GABRA3: variants seen among roughly 807,000 people sequenced by gnomAD.
GABRA3 encodes the protein gamma-aminobutyric acid receptor subunit alpha-3.
In GABRA3, 10 loss-of-function variants were observed where a neutral mutation model predicts 30.1. That is an observed-to-expected ratio of 0.33 (90% CI 0.20 to 0.56). GABRA3 has a LOEUF of 0.56. GABRA3 is among the 20% of genes least tolerant of loss of function. GABRA3 has a pLI of 0.89. For missense variants in GABRA3, 233 were observed against 392.0 expected (o/e 0.59, Z 3.42); for synonymous variants, 151 against 146.8 (o/e 1.03, Z -0.21).
intron 4 of GABRA3, among the ~76,000 whole-genome samples, chrX:152,257,462 C>A (rs978432481): frequency 8.9e-6 from 1 of 112,807 alleles, no homozygotes; most frequent in Non-Finnish European, 1.9e-5. Flanking sequence ...GGCTTCCAAT[C>A]GTATGTGGGA....
In GABRA3 at chrX:152,345,246, T is replaced by C. The variant is rs149135005; in HGVS notation, c.262+335A>G. Among the ~76,000 whole-genome samples the C allele has an allele frequency of 7.0e-4, 78 of 111,419 alleles. 1 individual carries two copies. The East Asian group carries it at 0.018, about 26-fold the overall frequency. On this transcript the variant is annotated intron_variant, in intron 3 of 9. Coordinates refer to ENST00000370314, the MANE Select transcript of GABRA3 (RefSeq NM_000808.4). Reference sequence around the variant, plus strand: ...CCCATCCCAATAAACCCATCATAAGTTGGAAATATAGTAAGTCTAAATCCA... The same window carrying C: ...CCCATCCCAATAAACCCATCATAAGCTGGAAATATAGTAAGTCTAAATCCA...
At position 152,189,869 on chromosome X, in the gene GABRA3, G is replaced by A. The variant is rs754786466; in HGVS notation, c.1004C>T (p.Ala335Val). The A allele has an allele frequency of 8.3e-7, 1 of 1,208,605 alleles. No individual in the cohort carries two copies. The highest frequency in any genetic ancestry group is 1.1e-6 in the Non-Finnish European group (1 of 893,620). The change falls in exon 9 of 10, where the codon GCG becomes GTG. Residue 335 changes from alanine to valine, a missense_variant. Around this residue, in one of 6 missense-constraint regions of GABRA3, gnomAD observed 20 missense variants for 84.3 expected, o/e 0.24. Coordinates refer to ENST00000370314, the MANE Select transcript of GABRA3 (RefSeq NM_000808.4). ...ARNSLPKVAY[A>V]TAMDWFIAVC... Reference sequence around the variant, plus strand: ...GGCTATGAACCAGTCCATGGCCGTCGCATATGCCACTTTAGGTAAGGAATT... The same window carrying A: ...GGCTATGAACCAGTCCATGGCCGTCACATATGCCACTTTAGGTAAGGAATT...
chrX:152,264,651 A>G (rs907144621), intron 4 of GABRA3, among the ~76,000 whole-genome samples: 1 of 111,523 alleles, frequency 9.0e-6, no homozygotes, highest in Non-Finnish European at 1.9e-5. Flanking sequence ...CTTACTACTA[A>G]TAATGCTGAA....
chrX:152,191,940 G>T (rs754495026), intron 8 of GABRA3, among the ~76,000 whole-genome samples: 1 of 111,699 alleles, frequency 9.0e-6, no homozygotes, highest in East Asian at 2.9e-4. Context: ...AATGGATCCA[G>T]GCCTTGAAAA....
chrX:152,224,437 A>C (rs930860454), intron 6 of GABRA3, among the ~76,000 whole-genome samples: 2 of 112,132 alleles, frequency 1.8e-5, no homozygotes, highest in Admixed American at 9.5e-5. Context: ...GGTAGCTGTG[A>C]CTGTATTTTA....
chrX:152,385,472 AC>A (rs1371516553), intron 1 of GABRA3, among the ~76,000 whole-genome samples: 2 of 111,968 alleles, frequency 1.8e-5, no homozygotes, highest in African/African-American at 6.5e-5. Context: ...TACACATCTC[AC>A]AAACCTAACA....
At chrX:152,298,639 T>G (rs6526092) in intron 3 of GABRA3, among the ~76,000 whole-genome samples, 56,256 of 109,027 alleles carry the variant, frequency 0.52, 12,298 homozygotes, top group East Asian at 0.88. Context: ...GGACATTTGG[T>G]TTGGTTCCAA....
chrX:152,298,652 C>G (rs1401904651), intron 3 of GABRA3, among the ~76,000 whole-genome samples: 2 of 110,777 alleles, frequency 1.8e-5, no homozygotes, highest in African/African-American at 6.6e-5. Context: ...GGTTCCAAGT[C>G]TTTGCTATTG....
rs774739840 is a variant in GABRA3, at chrX:152,198,311, C to T, written c.779-526G>A. ...TTTATGCTTTTTAACCATTATGCTC[C>T]GCTGTTCTAATGTACTTACTTGGTT... On this transcript the variant is annotated intron_variant, in intron 7 of 9. Coordinates refer to ENST00000370314, the MANE Select transcript of GABRA3 (RefSeq NM_000808.4). Among the ~76,000 whole-genome samples the T allele has an allele frequency of 8.0e-5, 9 of 111,912 alleles. No individual in the cohort carries two copies. In the South Asian group the frequency reaches 1.1e-3, roughly 14 times the overall value.
In GABRA3 at chrX:152,179,444, A is replaced by G. The variant is rs1937116131; in HGVS notation, c.1143+10286T>C. Among the ~76,000 whole-genome samples, 3 of 108,934 alleles carry G rather than the reference A, an allele frequency of 2.8e-5. No individual in the cohort carries two copies. In the South Asian group the frequency reaches 1.2e-3, roughly 44 times the overall value. 94.6% of individuals were successfully genotyped at this position (108,934 alleles called of 115,157 possible). On this transcript the variant is annotated intron_variant, in intron 9 of 9. Coordinates refer to ENST00000370314, the MANE Select transcript of GABRA3 (RefSeq NM_000808.4). Reference sequence around the variant, plus strand: ...TATTCTTTGACCAACAACTACCCCCAACTCCCAGTCCCCAGTAACCACCAT... The same window carrying G: ...TATTCTTTGACCAACAACTACCCCCGACTCCCAGTCCCCAGTAACCACCAT...
intron 4 of GABRA3, among the ~76,000 whole-genome samples, chrX:152,275,212 TA>T (rs1481139311): frequency 0.013 from 749 of 59,527 alleles, 40 homozygotes; most frequent in African/African-American, 0.061. Flanking sequence ...ATATATATAA[TA>T]TTATATATAT....
Position 152,206,007 on chromosome X carries a change from C to T in GABRA3, c.778+1994G>A, listed in dbSNP as rs1174897383. Among the ~76,000 whole-genome samples the T allele has an allele frequency of 4.9e-4, 55 of 112,835 alleles. No homozygotes were observed. The Admixed American group carries it at 5.1e-3, about 11-fold the overall frequency. Reference sequence around the variant, plus strand: ...GTTATGAACGTGTATCTTCTGTGTGCTAAAGATGACACCAACCGCGGTTTA... The same window carrying T: ...GTTATGAACGTGTATCTTCTGTGTGTTAAAGATGACACCAACCGCGGTTTA... On this transcript the variant is annotated intron_variant, in intron 7 of 9. Coordinates refer to ENST00000370314, the MANE Select transcript of GABRA3 (RefSeq NM_000808.4).
At chrX:152,419,945 A>G (rs976408385) in intron 1 of GABRA3, among the ~76,000 whole-genome samples, 3 of 111,532 alleles carry the variant, frequency 2.7e-5, no homozygotes, top group African/African-American at 9.8e-5. Flanking sequence ...TAGGATTTAT[A>G]TAAAGAATAA....
intron 3 of GABRA3, among the ~76,000 whole-genome samples, chrX:152,309,896 A>G (rs1270225577): frequency 8.9e-6 from 1 of 112,254 alleles, no homozygotes; most frequent in Admixed American, 9.5e-5. Context: ...CCCATTTCAC[A>G]TGCAGTGACA....
chrX:152,423,829 A>G (rs1343211187), intron 1 of GABRA3, among the ~76,000 whole-genome samples: 1 of 111,428 alleles, frequency 9.0e-6, no homozygotes, highest in Non-Finnish European at 1.9e-5. Context: ...TGGTATTACA[A>G]TTGGATTACA....
At chrX:152,230,618 G>T (rs1938050122) in intron 5 of GABRA3, among the ~76,000 whole-genome samples, 1 of 110,842 alleles carries the variant, frequency 9.0e-6, no homozygotes, top group African/African-American at 3.3e-5. Context: ...TTATAATATA[G>T]ACTAATGGAA....
At chrX:152,394,965 T>C (rs958016200) in intron 1 of GABRA3, among the ~76,000 whole-genome samples, 5 of 111,411 alleles carry the variant, frequency 4.5e-5, no homozygotes, top group African/African-American at 6.5e-5. Context: ...CTACAGGACA[T>C]AGGCTATCAA....
rs188262114 is a variant in GABRA3 at position 152,406,639 on chromosome X, T to G, written c.-26-42043A>C. On this transcript the variant is annotated intron_variant, in intron 1 of 9. Transcript: ENST00000370314. ...ATTAGAGCTAAAGAGCAAGATAGAC[T>G]CTAATACAATAATAGCTGGGGACAA... Among the ~76,000 whole-genome samples, 560 of 107,683 alleles carry G rather than the reference T, an allele frequency of 5.2e-3. 1 individual carries two copies. The highest frequency in any genetic ancestry group is 8.6e-3 in the Non-Finnish European group (450 of 52,099). The allele number at this position is 107,683 out of a possible 115,157, so 93.5% of individuals were successfully genotyped here.
chrX:152,435,079 A>G (rs1337238346), intron 1 of GABRA3, among the ~76,000 whole-genome samples: 10 of 111,954 alleles, frequency 8.9e-5, no homozygotes, highest in African/African-American at 2.9e-4. Context: ...TAAATACAGC[A>G]AGAAAAAAAG....
Sources: gnomAD v4.1 joint callset for allele counts (sites outside exome capture counted in the v4.1 genomes callset) on GRCh38, gnomAD v4.1.1 for gene constraint, gnomAD v4.1.1 regional missense constraint, MANE v1.5 for transcripts, NCBI Gene and HGNC (gene_info 2026-07-23, HGNC 2026-07-21) for gene names.